Variants in AGAP1 observed in about 807,000 individuals in gnomAD.
AGAP1 encodes the protein arf-GAP with GTPase, ANK repeat and PH domain-containing protein 1.
In AGAP1, 29 loss-of-function variants were observed where a neutral mutation model predicts 105.3. The ratio of observed to expected loss-of-function variants is 0.28; its 90% CI spans 0.21 to 0.38. The LOEUF is 0.38. Among genes scored for constraint, AGAP1 ranks in the 10% least tolerant of loss-of-function variants. AGAP1 has a pLI of 1.00. For missense variants in AGAP1, 998 were observed against 1,165.1 expected, an observed-to-expected ratio of 0.86 and a Z score of 2.09; for synonymous variants, 509 against 485.9, an observed-to-expected ratio of 1.05 and a Z score of -0.63.
Position 235,961,669 on chromosome 2 carries a change from G to A in AGAP1, c.1484-6793G>A, listed in dbSNP as rs1289724505. 1.3e-5 allele frequency among the ~76,000 whole-genome samples: 2 copies of A among 152,178 alleles called. No individual in the cohort carries two copies. The highest frequency in any genetic ancestry group is 2.9e-5 in the Non-Finnish European group (2 of 68,034). ...TCATGCCTATAATCCCAGCACTTTG[G>A]GAGGCCAAGGCGGATGGATCATGAG... On this transcript the variant is annotated intron_variant, in intron 12 of 17. Coordinates refer to ENST00000304032, the MANE Select transcript of AGAP1 (RefSeq NM_001037131.3). This position sits in a 1 kb window ranked among gnomAD's most constrained non-coding sequence, Gnocchi z 5.9.
At chr2:236,118,155 C>G (rs114497353) in intron 16 of AGAP1, among the ~76,000 whole-genome samples, 1,720 of 152,200 alleles carry the variant, frequency 0.011, 35 homozygotes, top group African/African-American at 0.04. Context: ...GTAAACAAGG[C>G]CTTTCCTCTG....
In AGAP1 at chr2:235,535,507, A is replaced by C. The variant is rs1352055092; in HGVS notation, c.163+40658A>C. ...TATTTTGGATTTAAAAAAAAAAAAA[A>C]CATGAAATGAAATCCGTGTCCTCTT... On this transcript the variant is annotated intron_variant, in intron 1 of 17. Transcript: ENST00000304032. This position sits in a 1 kb window ranked among gnomAD's most constrained non-coding sequence, Gnocchi z 5.1. Among the ~76,000 whole-genome samples the C allele has an allele frequency of 5.0e-5, 7 of 140,172 alleles. No homozygotes were observed. The East Asian group carries it at 1.3e-3, about 26-fold the overall frequency. The allele number at this position is 140,172 out of a possible 152,430, so 92.0% of individuals were successfully genotyped here.
At chr2:235,616,728 G>A (rs1377181227) in intron 1 of AGAP1, among the ~76,000 whole-genome samples, 1 of 152,218 alleles carries the variant, frequency 6.6e-6, no homozygotes, top group African/African-American at 2.4e-5. Context: ...GCCTAGCACA[G>A]AGTAGACCCT....
At chr2:236,031,942 C>T (rs894835505) in intron 13 of AGAP1, among the ~76,000 whole-genome samples, 2 of 152,194 alleles carry the variant, frequency 1.3e-5, no homozygotes, top group Non-Finnish European at 2.9e-5. Context: ...CTGGGAGCCT[C>T]GTTCTGGGCC....
chr2:236,059,751 C>G (rs1023038442), intron 16 of AGAP1, among the ~76,000 whole-genome samples: 1 of 152,142 alleles, frequency 6.6e-6, no homozygotes, highest in African/African-American at 2.4e-5. Context: ...GGAAGTGGTG[C>G]TGGGACAACT....
At chr2:236,085,089 G>C (rs537239689) in intron 16 of AGAP1, among the ~76,000 whole-genome samples, 1 of 151,364 alleles carries the variant, frequency 6.6e-6, no homozygotes, top group African/African-American at 2.4e-5. Context: ...GGTGGTGTGC[G>C]CCTGTAATCC....
intron 1 of AGAP1, among the ~76,000 whole-genome samples, chr2:235,696,132 G>A (rs1432594965): frequency 3.9e-5 from 6 of 152,230 alleles, no homozygotes; most frequent in African/African-American, 4.8e-5. Context: ...TGCAACCTCC[G>A]CCTCTCGATT....
At chr2:235,954,444 A>G (rs1373007101) in intron 12 of AGAP1, among the ~76,000 whole-genome samples, 2 of 151,454 alleles carry the variant, frequency 1.3e-5, no homozygotes, top group African/African-American at 4.9e-5. Flanking sequence ...TCATTGTGGC[A>G]GGTCTAACTG....
At chr2:235,529,251 T>C (rs1942962947) in intron 1 of AGAP1, among the ~76,000 whole-genome samples, 1 of 152,250 alleles carries the variant, frequency 6.6e-6, no homozygotes, top group Non-Finnish European at 1.5e-5. Context: ...GGAACTAGTC[T>C]TACAGTATAT....
intron 10 of AGAP1, among the ~76,000 whole-genome samples, chr2:235,902,341 A>G (rs962254805): frequency 1.3e-5 from 2 of 152,174 alleles, no homozygotes; most frequent in Admixed American, 6.5e-5. Context: ...ATGTGAAATC[A>G]CTATTTTTTT....
intron 11 of AGAP1, among the ~76,000 whole-genome samples, chr2:235,910,258 G>C: frequency 6.6e-6 from 1 of 152,310 alleles, no homozygotes; most frequent in Admixed American, 6.5e-5. Flanking sequence ...CACCACATTG[G>C]GGTGCTCTTG....
chr2:235,647,342 A>G (rs531762051), intron 1 of AGAP1, among the ~76,000 whole-genome samples: 32 of 152,246 alleles, frequency 2.1e-4, no homozygotes, highest in African/African-American at 7.5e-4. Flanking sequence ...ATCAGATTGA[A>G]GCCTTCGAAC....
chr2:235,688,701 C>T (rs1027966282), intron 1 of AGAP1, among the ~76,000 whole-genome samples: 23 of 152,220 alleles, frequency 1.5e-4, no homozygotes, highest in African/African-American at 5.5e-4. Context: ...ACAAGGGAGT[C>T]ACCGCTGCTG....
At chr2:235,515,433 C>A (rs931743791) in intron 1 of AGAP1, among the ~76,000 whole-genome samples, 1 of 152,116 alleles carries the variant, frequency 6.6e-6, no homozygotes, top group African/African-American at 2.4e-5. Flanking sequence ...CAGGGCAGGT[C>A]CTCAAAGGAA....
chr2:235,767,041 G>A (rs1955017439), intron 6 of AGAP1, among the ~76,000 whole-genome samples: 1 of 151,176 alleles, frequency 6.6e-6, no homozygotes, highest in East Asian at 2.0e-4. Context: ...AGCCTCCCAA[G>A]TATCTAGGAT....
chr2:235,839,332 C>T (rs1168800964), intron 9 of AGAP1, among the ~76,000 whole-genome samples: 1 of 152,216 alleles, frequency 6.6e-6, no homozygotes, highest in African/African-American at 2.4e-5. Context: ...CATACACACG[C>T]ACACACTCCG....
chr2:235,955,420 T>G (rs917807920), intron 12 of AGAP1, among the ~76,000 whole-genome samples: 1 of 152,146 alleles, frequency 6.6e-6, no homozygotes, highest in Non-Finnish European at 1.5e-5. Flanking sequence ...CTCAGCAGCA[T>G]GTATCCAGAG....
chr2:235,918,625 C>T lies in AGAP1; in HGVS notation c.1324+9719C>T, dbSNP rs1262345484. ...AATTGTAAACTCTTTGAGGCATACA[C>T]TGTTACTTCTCTTTCTTTGTTATCC... On this transcript the variant is annotated intron_variant, in intron 11 of 17. Transcript: ENST00000304032. Among the ~76,000 whole-genome samples the T allele has an allele frequency of 2.6e-5, 4 of 152,322 alleles. No homozygotes were observed. In the East Asian group the frequency reaches 7.7e-4, roughly 29 times the overall value.
Position 235,557,776 on chromosome 2 carries a change from G to T in AGAP1, c.163+62927G>T, listed in dbSNP as rs1270000976. ...CGTGTGCACCTTCATGGTACGTGCT[G>T]GGGTTGTGCCTTATGAAAACAACGG... On this transcript the variant is annotated intron_variant, in intron 1 of 17. Coordinates refer to ENST00000304032, the MANE Select transcript of AGAP1 (RefSeq NM_001037131.3). The surrounding 1 kb of genome is among the most constrained non-coding windows in gnomAD (Gnocchi z 4.7). Among the ~76,000 whole-genome samples, 1 of 152,158 alleles carries T rather than the reference G, an allele frequency of 6.6e-6. No homozygotes were observed. The highest frequency in any genetic ancestry group is 1.5e-5 in the Non-Finnish European group (1 of 68,038).
Sources: allele counts gnomAD v4.1 joint callset (sites outside exome capture counted in the v4.1 genomes callset), GRCh38; gene constraint gnomAD v4.1.1; non-coding constraint Gnocchi (gnomAD v3.1); transcripts MANE v1.5; gene names NCBI Gene and HGNC (gene_info 2026-07-23, HGNC 2026-07-21).